Variants in NCAPD3 observed in about 807,000 individuals in gnomAD.
NCAPD3 encodes non-SMC condensin II complex subunit D3.
NCAPD3 carries 105 observed loss-of-function variants against 182.9 expected under a neutral mutation model. The ratio of observed to expected loss-of-function variants is 0.57; its 90% CI spans 0.49 to 0.68. NCAPD3 has a LOEUF of 0.68. NCAPD3 is among the 30% of genes least tolerant of loss of function. The pLI is 0.00. For synonymous variants in NCAPD3, 815 were observed against 679.9 expected, an observed-to-expected ratio of 1.20 and a Z score of -3.09; for missense variants, 1,944 against 1,837.0, an observed-to-expected ratio of 1.06 and a Z score of -1.07.
At chr11:134,189,085 TA>T in intron 16 of NCAPD3, among the ~76,000 whole-genome samples, 1 of 152,158 alleles carries the variant, frequency 6.6e-6, no homozygotes, top group Non-Finnish European at 1.5e-5. Flanking sequence ...AATTTTAGAC[TA>T]AAAAATGCCT....
Position 134,203,200 on chromosome 11 carries a change from T to C in NCAPD3, c.1469-2A>G, listed in dbSNP as rs1449522982. 6 of 1,589,450 alleles carry C rather than the reference T, an allele frequency of 3.8e-6. No individual in the cohort carries two copies. Among genetic ancestry groups the C allele is most frequent in the Non-Finnish European group, 5.2e-6 (6 of 1,158,456 alleles). ...TCTCTATTACAGAAAACGTAGGACC[T>C]AAAAACAAGAAGAAAGATAAGAAGG... is the stretch of plus-strand genomic sequence containing the variant. On this transcript the variant is annotated splice_acceptor_variant, in intron 11 of 34. Coordinates refer to ENST00000534548, the MANE Select transcript of NCAPD3 (RefSeq NM_015261.3). LOFTEE classifies it high-confidence loss of function.
chr11:134,183,067 C>G (rs1295879162), intron 19 of NCAPD3: 1 of 455,870 alleles, frequency 2.2e-6, no homozygotes, highest in South Asian at 1.6e-5. Flanking sequence ...AACCACCGTC[C>G]TAATGGCCCT....
At chr11:134,196,107 C>G in intron 13 of NCAPD3, among the ~76,000 whole-genome samples, 1 of 151,664 alleles carries the variant, frequency 6.6e-6, no homozygotes, top group Middle Eastern at 3.4e-3. Context: ...GCTAGACTGG[C>G]GAAGAAAATA....
chr11:134,185,133 A>C, intron 17 of NCAPD3, 133 bp from the exon 18 acceptor site: 1 of 870,512 alleles, frequency 1.1e-6, no homozygotes, highest in Non-Finnish European at 1.8e-6. Flanking sequence ...AGCTGTGGGA[A>C]CATCAAGGCA....
chr11:134,165,464 TGAG>T (rs1420658050), intron 27 of NCAPD3, among the ~76,000 whole-genome samples: 1 of 140,076 alleles, frequency 7.1e-6, no homozygotes, highest in Admixed American at 7.1e-5. Context: ...GGCACACTCA[TGAG>T]ATGAGCTTGG....
chr11:134,155,100 G>A (rs563517549), intron 32 of NCAPD3, among the ~76,000 whole-genome samples: 12 of 152,286 alleles, frequency 7.9e-5, no homozygotes, highest in South Asian at 2.1e-4. Context: ...AGGCAGCAGC[G>A]TCTGTGCCAC....
At chr11:134,196,722 A>AT (rs1433270508) in intron 13 of NCAPD3, among the ~76,000 whole-genome samples, 1 of 152,058 alleles carries the variant, frequency 6.6e-6, no homozygotes, top group Admixed American at 6.6e-5. Context: ...ACACACACAC[A>AT]TACACACACA....
At chr11:134,171,010 G>C (rs1002682873) in intron 24 of NCAPD3, among the ~76,000 whole-genome samples, 3 of 152,128 alleles carry the variant, frequency 2.0e-5, no homozygotes, top group African/African-American at 7.2e-5. Flanking sequence ...GAAAAGTTAG[G>C]AGAAATTAAC....
chr11:134,156,894 C>T, intron 32 of NCAPD3, 124 bp downstream of exon 32: 1 of 799,892 alleles, frequency 1.3e-6, no homozygotes, highest in Non-Finnish European at 2.0e-6. Context: ...CTCAGCAATG[C>T]ACTCATGGTT....
rs1591841965 is a variant in NCAPD3 at position 134,184,836 on chromosome 11, C to T, written c.2335+67G>A. ...ACACACACACACACACACACACACA[C>T]ACACACACACACACCTGAAATGAAC... On this transcript the variant is annotated intron_variant, in intron 18 of 34. Transcript: ENST00000534548. 4 of 1,392,678 alleles carry T rather than the reference C, an allele frequency of 2.9e-6. No individual in the cohort carries two copies. The East Asian group carries it at 9.1e-5, about 32-fold the overall frequency. 86.3% of individuals were successfully genotyped at this position (1,392,678 alleles called of 1,614,324 possible).
intron 3 of NCAPD3, among the ~76,000 whole-genome samples, chr11:134,216,427 C>G (rs921636596): frequency 6.6e-6 from 1 of 152,204 alleles, no homozygotes; most frequent in South Asian, 2.1e-4. Context: ...GGAACAGCCT[C>G]CTCAGTGCTC....
Position 134,209,188 on chromosome 11 carries a change from T to A in NCAPD3, c.751A>T (p.Asn251Tyr). 1 of 1,613,394 alleles carries A rather than the reference T, an allele frequency of 6.2e-7. No homozygotes were observed. The highest frequency in any genetic ancestry group is 1.1e-5 in the South Asian group (1 of 90,852). The part of the protein sequence containing the change: ...NCIEVFVSLT[N>Y]FEPVLHECHV... ...CATTCATGAAGAACTGGCTCAAAAT[T>A]AGTTAATGAAACAAAGACCTAGAAA... Residue 251 changes from asparagine to tyrosine, a missense_variant, in exon 6 of 35, where the codon AAT (asparagine) becomes TAT (tyrosine). By Grantham distance (143) the Asn-to-Tyr change is moderately radical. Around this residue, in one of 3 missense-constraint regions of NCAPD3, gnomAD observed 1,803 missense variants for 1,674.6 expected, o/e 1.08. Coordinates refer to ENST00000534548, the MANE Select transcript of NCAPD3 (RefSeq NM_015261.3).
intron 24 of NCAPD3, among the ~76,000 whole-genome samples, chr11:134,170,374 G>A (rs1028662218): frequency 3.3e-5 from 5 of 152,182 alleles, no homozygotes; most frequent in African/African-American, 1.2e-4. Flanking sequence ...GAAAGGCAAA[G>A]GTCACAGCAT....
intron 19 of NCAPD3, among the ~76,000 whole-genome samples, chr11:134,181,414 C>T (rs1158905042): frequency 6.6e-6 from 1 of 152,140 alleles, no homozygotes; most frequent in Non-Finnish European, 1.5e-5. Context: ...TATATATCAT[C>T]TTTCTTTTTA....
intron 27 of NCAPD3, among the ~76,000 whole-genome samples, chr11:134,167,359 G>C (rs561003314): frequency 9.5e-6 from 1 of 105,592 alleles, no homozygotes; most frequent in Non-Finnish European, 1.9e-5. Context: ...AGATGAGCTT[G>C]GGGGAGGCGC....
At chr11:134,168,366 C>G in intron 26 of NCAPD3, 103 bp downstream of exon 26, 1 of 1,544,312 alleles carries the variant, frequency 6.5e-7, no homozygotes, top group Non-Finnish European at 8.9e-7. Context: ...AGGGGTCTTC[C>G]TGCAGTGCCA....
rs769933907 is a variant in NCAPD3 at position 134,202,909 on chromosome 11, T to A, written c.1526-4A>T. ...GTCTGCCTTTGGTAGGAAAAAGCTT[T>A]AAAAAAAAAATTACAGTCATTAAGC... On this transcript the variant is annotated splice_region_variant and splice_polypyrimidine_tract_variant and intron_variant, in intron 12 of 34. Coordinates refer to ENST00000534548, the MANE Select transcript of NCAPD3 (RefSeq NM_015261.3). The A allele has an allele frequency of 4.0e-5, 61 of 1,520,296 alleles. No individual in the cohort carries two copies. Among genetic ancestry groups the A allele is most frequent in the East Asian group, 1.2e-4 (5 of 42,750 alleles). The allele number at this position is 1,520,296 out of a possible 1,614,324, so 94.2% of individuals were successfully genotyped here.
rs1213365366 is a variant in NCAPD3 at position 134,161,798 on chromosome 11, G to A, written c.3667C>T (p.Leu1223Phe). The change falls in exon 28 of 35, where the codon CTC becomes TTC. Residue 1223 changes from leucine to phenylalanine, a missense_variant. Transcript: ENST00000534548. ...EKNKIPALRE[L>F]MHYLREVMQD... The stretch of plus-strand genomic sequence containing the variant: ...ACCCTTACCCTGAGATAGTGCATGA[G>A]TTCCCGCAAAGCTGGGATCTTATTT... The A allele has an allele frequency of 3.3e-5, 52 of 1,574,036 alleles. No individual in the cohort carries two copies. The highest frequency in any genetic ancestry group is 4.2e-5 in the Non-Finnish European group (48 of 1,147,190).
At chr11:134,167,110 T>C (rs35814611) in intron 27 of NCAPD3, among the ~76,000 whole-genome samples, 2 of 41,786 alleles carry the variant, frequency 4.8e-5, no homozygotes, top group Admixed American at 2.5e-4. Context: ...TTGGGGGAGC[T>C]GCACACTCAC....
Sources: allele counts gnomAD v4.1 joint callset (sites outside exome capture counted in the v4.1 genomes callset), GRCh38; gene constraint gnomAD v4.1.1; regional missense constraint gnomAD v4.1.1; transcripts MANE v1.5; gene names NCBI Gene and HGNC (gene_info 2026-07-23, HGNC 2026-07-21).